MLST8: variants seen among roughly 807,000 people sequenced by gnomAD.
MLST8 encodes the protein MTOR associated protein MLST8, also known as target of rapamycin complex subunit LST8.
In MLST8, 20 loss-of-function variants were observed where a neutral mutation model predicts 41.3. The observed-to-expected ratio is 0.48, with a 90% CI of 0.34 to 0.70. The LOEUF (loss-of-function observed/expected upper bound fraction) is 0.70. Ranked by LOEUF, MLST8 falls within the 30% of genes least tolerant of loss-of-function variation. The pLI, the probability that MLST8 is intolerant of heterozygous loss-of-function variation, is 0.01. For missense variants in MLST8, 422 were observed against 454.3 expected, an observed-to-expected ratio of 0.93 and a Z score of 0.65; for synonymous variants, 243 against 183.0, an observed-to-expected ratio of 1.33 and a Z score of -2.65.
chr16:2,206,491 C>T lies in MLST8; in HGVS notation c.182-6C>T, dbSNP rs2093292290. On this transcript the variant is annotated splice_region_variant and splice_polypyrimidine_tract_variant and intron_variant, in intron 3 of 8. Coordinates refer to ENST00000569417, the MANE Select transcript of MLST8 (RefSeq NM_022372.6). ...AGCCAAGCTTCAGTTCAGCCTGTGTCCCTAGGTTACCAGCACATCCGCATG... is the reference window on the plus strand; with the variant it reads ...AGCCAAGCTTCAGTTCAGCCTGTGTTCCTAGGTTACCAGCACATCCGCATG... 1.2e-6 allele frequency: 2 copies of T among 1,611,092 alleles called. No homozygotes were observed. The highest frequency in any genetic ancestry group is 1.1e-5 in the South Asian group (1 of 91,034).
rs993857262 is a variant in MLST8, at chr16:2,205,668, C to T, written c.-56+156C>T. On this transcript the variant is annotated intron_variant, in intron 1 of 8. Coordinates refer to ENST00000569417, the MANE Select transcript of MLST8 (RefSeq NM_022372.6). ...AGACTGCGCCCTTTCCCATCAGGGCCTGCCGCTGGCCTGCTACGCATGCGC... is the reference window on the plus strand; with the variant it reads ...AGACTGCGCCCTTTCCCATCAGGGCTTGCCGCTGGCCTGCTACGCATGCGC... 1.7e-5 allele frequency: 17 copies of T among 988,752 alleles called. No individual in the cohort carries two copies. The South Asian group carries it at 6.9e-4, about 40-fold the overall frequency. 61.2% of individuals were successfully genotyped at this position (988,752 alleles called of 1,614,324 possible).
At chr16:2,207,416 A>T in intron 6 of MLST8, 71 bp downstream of exon 6, 2 of 1,557,494 alleles carry the variant, frequency 1.3e-6, no homozygotes, top group Non-Finnish European at 1.8e-6. Context: ...AGGTGGGCTT[A>T]TTCCTGGATG....
chr16:2,207,236 G>A lies in MLST8; in HGVS notation c.464G>A (p.Trp155Ter). 1 of 1,614,196 alleles carries A rather than the reference G, an allele frequency of 6.2e-7. No individual in the cohort carries two copies. The highest frequency in any genetic ancestry group is 8.5e-7 in the Non-Finnish European group (1 of 1,180,028). The change falls in exon 6 of 9, where the codon TGG becomes TAG. Residue 155 changes from tryptophan to a stop codon, truncating the protein, a stop_gained. Transcript: ENST00000569417. LOFTEE classifies it high-confidence loss of function. ...GACCAGAGCGGGGCTATCCACATCT[G>A]GGACTTGAAAACAGACCACAACGAG... ...VGDQSGAIHI[W>*]DLKTDHNEQL...
intron 1 of MLST8, chr16:2,205,775 C>A: frequency 9.5e-7 from 1 of 1,050,284 alleles, no homozygotes; most frequent in Middle Eastern, 4.3e-4. Flanking sequence ...GGCGCCCGCG[C>A]GTGACTCCCC....
chr16:2,205,880 C>A, intron 1 of MLST8, 151 bp from the exon 2 acceptor site: 1 of 1,380,340 alleles, frequency 7.2e-7, no homozygotes, highest in Non-Finnish European at 9.4e-7. Flanking sequence ...AGCCAGGTAT[C>A]ACGCGTGTGA....
At chr16:2,205,976 A>G (rs960119514) in intron 1 of MLST8, 55 bp from the exon 2 acceptor site, 19 of 1,485,286 alleles carry the variant, frequency 1.3e-5, no homozygotes, top group African/African-American at 2.8e-5. Context: ...TTGTGGGTCT[A>G]TAATCTACTT....
intron 6 of MLST8, 118 bp from the exon 7 acceptor site, chr16:2,208,092 G>T (rs1294454908): frequency 1.6e-5 from 20 of 1,256,382 alleles, no homozygotes; most frequent in Admixed American, 1.5e-4. Flanking sequence ...GGGCCTGCCT[G>T]CCCCTCACCC....
In MLST8 at chr16:2,207,350, G is replaced by C; in HGVS notation, c.573+5G>C. 6.2e-7 allele frequency: 1 copy of C among 1,613,106 alleles called. No homozygotes were observed. The highest frequency in any genetic ancestry group is 8.5e-7 in the Non-Finnish European group (1 of 1,179,246). ...ATGGCAGCTGTCAATAGCACCGTGA[G>C]TCCTGGTGGCAGGTGCTGGGTGCGG... On this transcript the variant is annotated splice_donor_5th_base_variant and intron_variant, in intron 6 of 8. Coordinates refer to ENST00000569417, the MANE Select transcript of MLST8 (RefSeq NM_022372.6).
chr16:2,207,120 G>A lies in MLST8; in HGVS notation c.420+10G>A, dbSNP rs774698942. ...CCTGCACCCCAACCAGGTGAGGGGT[G>A]CTCATGGGGCCAGGCACCCTGGGAC... On this transcript the variant is annotated intron_variant, in intron 5 of 8. Coordinates refer to ENST00000569417, the MANE Select transcript of MLST8 (RefSeq NM_022372.6). 12 of 1,613,486 alleles carry A rather than the reference G, an allele frequency of 7.4e-6. No individual in the cohort carries two copies. The highest frequency in any genetic ancestry group is 7.6e-6 in the Non-Finnish European group (9 of 1,179,606).
At position 2,208,323 on chromosome 16, in the gene MLST8, C is replaced by T. The variant is rs1365847750; in HGVS notation, c.687C>T (p.Ser229=). 1 of 1,607,344 alleles carries T rather than the reference C, an allele frequency of 6.2e-7. No homozygotes were observed. Among genetic ancestry groups the T allele is most frequent in the South Asian group, 1.1e-5 (1 of 90,950 alleles). ...HTRYALQCRF[S]PDSTLLATCS... is the part of the protein sequence containing the mutation. ...GCTACGCCCTGCAGTGTCGCTTCAGCCCCGACTCCACGTGCGTGCAGGGCC... is the reference window on the plus strand; with the variant it reads ...GCTACGCCCTGCAGTGTCGCTTCAGTCCCGACTCCACGTGCGTGCAGGGCC... Residue 229 remains serine (S), a synonymous_variant, in exon 7 of 9, where the codon AGC becomes AGT. Coordinates refer to ENST00000569417, the MANE Select transcript of MLST8 (RefSeq NM_022372.6).
intron 2 of MLST8, 40 bp downstream of exon 2, chr16:2,206,254 A>C: frequency 6.3e-7 from 1 of 1,599,952 alleles, no homozygotes; most frequent in Non-Finnish European, 8.5e-7. Context: ...CGCTGGGGGG[A>C]TGCCTCGTGT....
At chr16:2,205,693 CA>C in intron 1 of MLST8, 181 bp downstream of exon 1, 1 of 993,638 alleles carries the variant, frequency 1.0e-6, no homozygotes, top group Non-Finnish European at 1.2e-6. Context: ...TACGCATGCG[CA>C]GCCGCAGCGC....
Position 2,209,194 on chromosome 16 carries a change from C to T in MLST8, c.*317C>T. 2 of 708,414 alleles carry T rather than the reference C, an allele frequency of 2.8e-6. 1 individual carries two copies. Among genetic ancestry groups the T allele is most frequent in the South Asian group, 3.7e-5 (2 of 53,570 alleles). The allele number at this position is 708,414 out of a possible 1,614,324, so 43.9% of individuals were successfully genotyped here. The stretch of plus-strand genomic sequence containing the variant: ...GTGCCCACCCCCAAGCTAGTGTGTT[C>T]TCTGCCCCTCCCTGCCCGCGTTTCA... On this transcript the variant is annotated 3_prime_UTR_variant, in exon 9 of 9. Coordinates refer to ENST00000569417, the MANE Select transcript of MLST8 (RefSeq NM_022372.6).
rs746454095 is a variant in MLST8, at chr16:2,206,018, T to A, written c.-55-13T>A. ...GAGAGTGTCTTCTAAGTACTTCACA[T>A]CCTTCTCTGCAGATGCTCTGACCTT... On this transcript the variant is annotated splice_polypyrimidine_tract_variant and intron_variant, in intron 1 of 8. Coordinates refer to ENST00000569417, the MANE Select transcript of MLST8 (RefSeq NM_022372.6). 2.0e-6 allele frequency: 3 copies of A among 1,519,262 alleles called. No individual in the cohort carries two copies. The highest frequency in any genetic ancestry group is 2.8e-5 in the African/African-American group (2 of 72,094). 94.1% of individuals were successfully genotyped at this position (1,519,262 alleles called of 1,614,324 possible).
intron 6 of MLST8, chr16:2,207,660 T>C: frequency 5.0e-6 from 2 of 403,560 alleles, no homozygotes; most frequent in Non-Finnish European, 4.5e-6. Context: ...AGGCTTCCTT[T>C]CCCCCTCCCT....
intron 6 of MLST8, 27 bp downstream of exon 6, chr16:2,207,372 G>T: frequency 6.2e-7 from 1 of 1,609,602 alleles, no homozygotes; most frequent in Non-Finnish European, 8.5e-7. Flanking sequence ...GGTGCTGGGT[G>T]CGGGCAGCTT....
chr16:2,205,870 A>T (rs1469344080), intron 1 of MLST8, 161 bp from the exon 2 acceptor site: 5 of 1,351,138 alleles, frequency 3.7e-6, no homozygotes, highest in Non-Finnish European at 4.8e-6. Flanking sequence ...GGAGCCCCGG[A>T]GCCAGGTATC....
Position 2,206,011 on chromosome 16 carries a change from C to T in MLST8, c.-55-20C>T, listed in dbSNP as rs556556214. On this transcript the variant is annotated intron_variant, in intron 1 of 8. Coordinates refer to ENST00000569417, the MANE Select transcript of MLST8 (RefSeq NM_022372.6). ...TAGCACAGAGAGTGTCTTCTAAGTA[C>T]TTCACATCCTTCTCTGCAGATGCTC... The T allele has an allele frequency of 1.3e-5, 20 of 1,517,062 alleles. No individual in the cohort carries two copies. In the South Asian group the frequency reaches 1.5e-4, roughly 12 times the overall value. The allele number at this position is 1,517,062 out of a possible 1,614,324, so 94.0% of individuals were successfully genotyped here.
chr16:2,207,132 A>G (rs1358491548), intron 5 of MLST8, 22 bp downstream of exon 5: 2 of 1,613,328 alleles, frequency 1.2e-6, no homozygotes, highest in Non-Finnish European at 1.7e-6. Context: ...TCATGGGGCC[A>G]GGCACCCTGG....
Sources: allele counts gnomAD v4.1 joint callset, GRCh38; gene constraint gnomAD v4.1.1; transcripts MANE v1.5; gene names NCBI Gene and HGNC (gene_info 2026-07-23, HGNC 2026-07-21).